The following KAZN variants were observed in gnomAD, a reference collection of about 807,000 sequenced individuals.
KAZN encodes kazrin.
In KAZN, 40 loss-of-function variants were observed where a neutral mutation model predicts 87.4. That is an observed-to-expected ratio of 0.46 (90% CI 0.36 to 0.60). The LOEUF (loss-of-function observed/expected upper bound fraction) is 0.60, where lower values mean the gene tolerates loss of function less well. Among genes scored for constraint, KAZN ranks in the 20% least tolerant of loss-of-function variants. The probability of loss-of-function intolerance (pLI) is 0.00; values close to 1 mark genes in which losing one functional copy is unlikely to be tolerated. For synonymous variants in KAZN, 466 were observed against 458.3 expected (o/e 1.02, Z -0.22); for missense variants, 898 against 1,073.9 (o/e 0.84, Z 2.29).
chr1:14,002,899 C>T (rs549039359), intron 1 of KAZN, among the ~76,000 whole-genome samples: 43 of 152,244 alleles, frequency 2.8e-4, no homozygotes, highest in African/African-American at 6.0e-4. Flanking sequence ...TAAAGACACA[C>T]GCACACGTAT....
intron 2 of KAZN, among the ~76,000 whole-genome samples, chr1:14,436,589 G>T (rs941976258): frequency 6.6e-6 from 1 of 151,812 alleles, no homozygotes; most frequent in Non-Finnish European, 1.5e-5. Context: ...GTGGTGGCAG[G>T]CACCTGTAAC....
intron 8 of KAZN, among the ~76,000 whole-genome samples, chr1:15,087,022 G>A (rs991019278): frequency 6.6e-6 from 1 of 152,098 alleles, no homozygotes; most frequent in Non-Finnish European, 1.5e-5. Context: ...ACTAGTCCAG[G>A]GACCACACTT....
At chr1:14,031,145 T>A (rs1641311637) in intron 1 of KAZN, among the ~76,000 whole-genome samples, 1 of 152,240 alleles carries the variant, frequency 6.6e-6, no homozygotes, top group African/African-American at 2.4e-5. Flanking sequence ...GTTATTTACT[T>A]ATAAGCTAGT....
intron 1 of KAZN, among the ~76,000 whole-genome samples, chr1:14,652,588 C>T (rs1638495727): frequency 8.2e-6 from 1 of 122,274 alleles, no homozygotes; most frequent in East Asian, 2.6e-4. Context: ...CACCTATCTA[C>T]TCACCCACCC....
intron 2 of KAZN, among the ~76,000 whole-genome samples, chr1:14,978,991 A>G (rs991657702): frequency 1.3e-5 from 2 of 151,828 alleles, no homozygotes; most frequent in Non-Finnish European, 2.9e-5. Flanking sequence ...TGCAATCTCC[A>G]TCTCCCGGGT....
At chr1:14,160,608 GTGGATAGTTGTTAACTTGGTGTCCTTA>G in intron 1 of KAZN, among the ~76,000 whole-genome samples, 1 of 152,172 alleles carries the variant, frequency 6.6e-6, no homozygotes, top group South Asian at 2.1e-4. Context: ...TTTTTTGTGT[GTGGATAGTTGTTAACTTGGTGTCCTTA>G]TGGTGGGGCA....
chr1:14,159,541 C>G (rs191587263), intron 1 of KAZN, among the ~76,000 whole-genome samples: 7 of 152,162 alleles, frequency 4.6e-5, no homozygotes, highest in Admixed American at 4.6e-4. Flanking sequence ...CCCAGAAATG[C>G]GGTCCAAAAG....
At chr1:14,714,876 C>G (rs1204439381) in intron 1 of KAZN, among the ~76,000 whole-genome samples, 1 of 148,448 alleles carries the variant, frequency 6.7e-6, no homozygotes, top group East Asian at 2.0e-4. Flanking sequence ...TTCACCGCAG[C>G]CTTGACTTCC....
At chr1:14,973,312 C>T (rs1207272530) in intron 2 of KAZN, among the ~76,000 whole-genome samples, 3 of 152,184 alleles carry the variant, frequency 2.0e-5, no homozygotes, top group African/African-American at 7.2e-5. Context: ...TTAGGAATAA[C>T]GCTCAAAATC....
intron 2 of KAZN, among the ~76,000 whole-genome samples, chr1:14,505,750 G>A (rs535826567): frequency 1.3e-5 from 2 of 152,314 alleles, no homozygotes; most frequent in South Asian, 2.1e-4. Flanking sequence ...GAGGTGGGTG[G>A]ATTGCCTGAA....
At chr1:14,588,556 T>G (rs888162699) in intron 2 of KAZN, among the ~76,000 whole-genome samples, 19 of 152,206 alleles carry the variant, frequency 1.2e-4, no homozygotes, top group African/African-American at 4.6e-4. Flanking sequence ...CTCCATCCTC[T>G]GAGTCTGTGC....
intron 1 of KAZN, among the ~76,000 whole-genome samples, chr1:14,030,418 T>G (rs1570568686): frequency 1.3e-5 from 1 of 78,152 alleles, no homozygotes; most frequent in South Asian, 5.0e-4. Context: ...TATCACACTC[T>G]GGGGACTGTG....
intron 1 of KAZN, among the ~76,000 whole-genome samples, chr1:14,152,094 T>C (rs1468926682): frequency 6.6e-6 from 1 of 152,216 alleles, no homozygotes; most frequent in Non-Finnish European, 1.5e-5. Context: ...GATATTTTGA[T>C]ACAGGCATGT....
chr1:14,597,547 C>A (rs1572012580), upstream of KAZN, among the ~76,000 whole-genome samples: 1 of 152,128 alleles, frequency 6.6e-6, no homozygotes, highest in African/African-American at 2.4e-5. Context: ...TCCTCACTCA[C>A]AAGAGATAAG....
At chr1:13,928,848 T>C (rs1187634297) in intron 1 of KAZN, among the ~76,000 whole-genome samples, 1 of 94,250 alleles carries the variant, frequency 1.1e-5, no homozygotes, top group Non-Finnish European at 2.5e-5. Context: ...GAAGAAATCT[T>C]TTTTTTTTTT....
intron 2 of KAZN, among the ~76,000 whole-genome samples, chr1:14,271,385 T>TA (rs1651915784): frequency 6.6e-6 from 1 of 152,196 alleles, no homozygotes; most frequent in South Asian, 2.1e-4. Flanking sequence ...TGAAGAAGTC[T>TA]CTTAGCTACC....
At chr1:14,202,127 T>G (rs820492) in intron 2 of KAZN, among the ~76,000 whole-genome samples, 74,353 of 152,252 alleles carry the variant, frequency 0.49, 19,850 homozygotes, top group African/African-American at 0.69. Context: ...TAGAGCAAGA[T>G]GGGGGTCAGT....
At chr1:14,074,812 C>T (rs1643388152) in intron 1 of KAZN, among the ~76,000 whole-genome samples, 1 of 152,154 alleles carries the variant, frequency 6.6e-6, no homozygotes, top group Non-Finnish European at 1.5e-5. Context: ...CTGCCAATAA[C>T]CTACTCCATG....
intron 8 of KAZN, among the ~76,000 whole-genome samples, chr1:15,078,102 T>A (rs1428739380): frequency 6.6e-6 from 1 of 152,100 alleles, no homozygotes; most frequent in Non-Finnish European, 1.5e-5. Context: ...AGAAGTAACA[T>A]ACATAGCCCT....
Sources: gnomAD v4.1 joint callset for allele counts (sites outside exome capture counted in the v4.1 genomes callset) on GRCh38, gnomAD v4.1.1 for gene constraint, MANE v1.5 for transcripts, NCBI Gene and HGNC (gene_info 2026-07-23, HGNC 2026-07-21) for gene names.